The following ZNG1F variants were observed in gnomAD, a reference collection of about 807,000 sequenced individuals.
The protein encoded by ZNG1F is Zn regulated GTPase metalloprotein activator 1F.
the ZNG1F span, among the ~76,000 whole-genome samples, chr9:41,202,383 TA>T: frequency 9.1e-6 from 1 of 110,476 alleles, no homozygotes; most frequent in African/African-American, 3.2e-5. Context: ...AAGTGAAGCT[TA>T]ATCAAAATTT....
chr9:41,132,571 T>C, the ZNG1F span: 24 of 1,373,360 alleles, frequency 1.7e-5, 1 homozygote, highest in South Asian at 2.7e-4. Flanking sequence ...TATTGATTTT[T>C]TTTTTGAACA....
chr9:41,149,753 A>C, the ZNG1F span, among the ~76,000 whole-genome samples: 11 of 150,996 alleles, frequency 7.3e-5, no homozygotes, highest in Non-Finnish European at 1.6e-4. Flanking sequence ...GATCTGCTGC[A>C]CATCCTCATG....
chr9:41,166,445 C>A, the ZNG1F span, among the ~76,000 whole-genome samples: 1 of 117,322 alleles, frequency 8.5e-6, no homozygotes, highest in African/African-American at 3.3e-5. Context: ...TATTATTATA[C>A]ATATATATAT....
chr9:41,193,376 GT>G, the ZNG1F span, among the ~76,000 whole-genome samples: 1 of 136,734 alleles, frequency 7.3e-6, no homozygotes, highest in African/African-American at 2.7e-5. Context: ...AGAGGCCATT[GT>G]TTTGGACTGA....
chr9:41,144,778 C>T, the ZNG1F span, among the ~76,000 whole-genome samples: 1 of 141,662 alleles, frequency 7.1e-6, no homozygotes, highest in Middle Eastern at 3.5e-3. Flanking sequence ...TTAAATTGTT[C>T]CTAGCATCTT....
chr9:41,180,154 TAG>T, the ZNG1F span, among the ~76,000 whole-genome samples: 1 of 58,496 alleles, frequency 1.7e-5, no homozygotes, highest in Non-Finnish European at 3.1e-5. Flanking sequence ...GACTACAGTA[TAG>T]TATAAACACA....
At chr9:41,166,473 T>TAA in the ZNG1F span, among the ~76,000 whole-genome samples, 159 of 97,042 alleles carry the variant, frequency 1.6e-3, 1 homozygote, top group Middle Eastern at 6.2e-3. Flanking sequence ...TATATATATA[T>TAA]AAAATCTTCA....
the ZNG1F span, among the ~76,000 whole-genome samples, chr9:41,138,893 TTATATA>T: frequency 2.8e-3 from 335 of 120,864 alleles, no homozygotes; most frequent in South Asian, 4.4e-3. Flanking sequence ...TCTTTTTTTT[TTATATA>T]TATATCCTTA....
the ZNG1F span, among the ~76,000 whole-genome samples, chr9:41,183,218 A>ATT: frequency 0.01 from 1,479 of 142,802 alleles, 127 homozygotes; most frequent in African/African-American, 0.036. Flanking sequence ...TTTGATAGTC[A>ATT]TTTTTTTTTT....
chr9:41,150,300 C>T, the ZNG1F span, among the ~76,000 whole-genome samples: 59 of 150,664 alleles, frequency 3.9e-4, no homozygotes, highest in African/African-American at 1.4e-3. Flanking sequence ...GATTGTGTCC[C>T]GCACCTGGCT....
At chr9:41,192,843 G>A in the ZNG1F span, among the ~76,000 whole-genome samples, 8 of 115,304 alleles carry the variant, frequency 6.9e-5, no homozygotes, top group Non-Finnish European at 1.3e-4. Flanking sequence ...TTTTAAATAA[G>A]TATGAAATTT....
the ZNG1F span, among the ~76,000 whole-genome samples, chr9:41,163,963 G>A: frequency 3.7e-5 from 4 of 108,984 alleles, no homozygotes; most frequent in Admixed American, 4.4e-4. Context: ...TAAAGTTTAA[G>A]GACATTACTA....
chr9:41,198,277 C>T, the ZNG1F span, among the ~76,000 whole-genome samples: 8,959 of 83,042 alleles, frequency 0.11, no homozygotes, highest in Non-Finnish European at 0.12. Flanking sequence ...TAGCACACTC[C>T]TGTAATCCCA....
the ZNG1F span, among the ~76,000 whole-genome samples, chr9:41,187,122 A>G: frequency 0.48 from 70,527 of 146,626 alleles, 19,999 homozygotes; most frequent in Non-Finnish European, 0.6. Context: ...CTTTTTAACC[A>G]TATTATGAAA....
At chr9:41,150,338 G>A in the ZNG1F span, among the ~76,000 whole-genome samples, 2 of 150,550 alleles carry the variant, frequency 1.3e-5, no homozygotes, top group South Asian at 2.1e-4. Flanking sequence ...ACGGAGTCTC[G>A]CGGATTGCTA....
At chr9:41,154,835 C>T in the ZNG1F span, among the ~76,000 whole-genome samples, 1 of 149,852 alleles carries the variant, frequency 6.7e-6, no homozygotes, top group African/African-American at 2.5e-5. Context: ...CTTCCTTACA[C>T]CTTATACAAA....
the ZNG1F span, among the ~76,000 whole-genome samples, chr9:41,195,642 CA>C: frequency 8.0e-4 from 95 of 118,902 alleles, no homozygotes; most frequent in African/African-American, 2.6e-3. Flanking sequence ...CTCAAGCTGA[CA>C]AGTTGAGTGG....
chr9:41,150,280 C>G, the ZNG1F span, among the ~76,000 whole-genome samples: 2 of 150,182 alleles, frequency 1.3e-5, no homozygotes, highest in African/African-American at 4.9e-5. Flanking sequence ...TAAAAAACCG[C>G]GCACCAGGAG....
At chr9:41,201,417 T>G in the ZNG1F span, among the ~76,000 whole-genome samples, 2 of 147,096 alleles carry the variant, frequency 1.4e-5, no homozygotes, top group African/African-American at 4.9e-5. Context: ...AAAAAAAAAC[T>G]TTGCATCCTA....
Sources: allele counts gnomAD v4.1 joint callset (sites outside exome capture counted in the v4.1 genomes callset), GRCh38; gene constraint gnomAD v4.1.1; transcripts MANE v1.5; gene names NCBI Gene and HGNC (gene_info 2026-07-23, HGNC 2026-07-21).